Variants in MORF4L1 observed in about 807,000 individuals in gnomAD.
The protein encoded by MORF4L1 is mortality factor 4-like protein 1.
Under a neutral mutation model 52.9 loss-of-function variants are expected in MORF4L1, and 4 were observed. That is an observed-to-expected ratio of 0.08 (90% CI 0.04 to 0.17). The LOEUF (loss-of-function observed/expected upper bound fraction) is 0.17, where lower values mean the gene tolerates loss of function less well. Ranked by LOEUF, MORF4L1 falls within the 10% of genes least tolerant of loss-of-function variation. The pLI is 1.00. For synonymous variants in MORF4L1, 123 were observed against 134.8 expected (o/e 0.91, Z 0.61); for missense variants, 214 against 390.4 (o/e 0.55, Z 3.81).
intron 3 of MORF4L1, among the ~76,000 whole-genome samples, chr15:78,882,395 C>G: frequency 6.6e-6 from 1 of 152,100 alleles, no homozygotes; most frequent in East Asian, 1.9e-4. Context: ...ACCTCATGGA[C>G]TTGTATTTTA....
chr15:78,877,205 C>G (rs1480936462), intron 1 of MORF4L1, among the ~76,000 whole-genome samples: 2 of 151,220 alleles, frequency 1.3e-5, no homozygotes, highest in African/African-American at 4.9e-5. Flanking sequence ...ACTGCAACCT[C>G]CACCTCCCGG....
Position 78,878,099 on chromosome 15 carries a change from A to G in MORF4L1, c.41-114A>G, listed in dbSNP as rs981442602. ...AGTGGTGCTCTGTATACCCGTCCTC[A>G]TTTTTCCTAATTTGGCTAGGAATAC... On this transcript the variant is annotated intron_variant, in intron 1 of 11. Transcript: ENST00000426013. 5 of 1,064,610 alleles carry G rather than the reference A, an allele frequency of 4.7e-6. No homozygotes were observed. The East Asian group carries it at 1.0e-4, about 22-fold the overall frequency. The allele number at this position is 1,064,610 out of a possible 1,614,324, so 65.9% of individuals were successfully genotyped here. A position where few individuals can be genotyped will look rare whatever the true frequency, so the allele number is the denominator to read the frequency against.
chr15:78,875,613 C>CAA (rs2056470595), intron 1 of MORF4L1, among the ~76,000 whole-genome samples: 1 of 134,866 alleles, frequency 7.4e-6, no homozygotes, highest in Admixed American at 7.5e-5. Context: ...CTGGTGAAAC[C>CAA]CAGTCTCTAC....
intron 1 of MORF4L1, among the ~76,000 whole-genome samples, chr15:78,877,260 A>G (rs2056512603): frequency 6.6e-6 from 1 of 151,402 alleles, no homozygotes; most frequent in Non-Finnish European, 1.5e-5. Flanking sequence ...AGCTGGGATT[A>G]CAGGCACACA....
At chr15:78,890,428 A>G (rs985627952) in intron 5 of MORF4L1, among the ~76,000 whole-genome samples, 1 of 151,840 alleles carries the variant, frequency 6.6e-6, no homozygotes, top group South Asian at 2.1e-4. Flanking sequence ...ACTATAACAT[A>G]TATTAATATA....
intron 5 of MORF4L1, 175 bp from the exon 6 acceptor site, chr15:78,890,814 T>G: frequency 9.6e-6 from 5 of 519,184 alleles, no homozygotes; most frequent in Non-Finnish European, 1.4e-5. Flanking sequence ...TGGAGAGAGA[T>G]GGGAATTTAA....
At chr15:78,895,384 C>T (rs1380134506) in intron 11 of MORF4L1, among the ~76,000 whole-genome samples, 3 of 151,994 alleles carry the variant, frequency 2.0e-5, no homozygotes, top group African/African-American at 7.2e-5. Flanking sequence ...GCACAAAGGA[C>T]CATTAAAAAT....
At position 78,897,053 on chromosome 15, in the gene MORF4L1, C is replaced by T. The variant is rs1468294221; in HGVS notation, c.958C>T (p.Arg320Trp). ...TGAAGTGGCTCCTCCTGAGTACCAT[C>T]GGAAAGCTGTGTGAGAGGCACTCTC... ...DYEVAPPEYHRKAV is the reference protein window; with the variant it reads ...DYEVAPPEYHWKAV Residue 320 changes from arginine (R) to tryptophan (W), a missense_variant, in exon 12 of 12, where the codon CGG becomes TGG. Physicochemically the swap from Arg to Trp is moderately radical, Grantham distance 101 (BLOSUM62 -3). This residue lies in a region of MORF4L1 where 30 missense variants were observed against 34.6 expected (regional missense o/e 0.87). Transcript: ENST00000426013. The T allele has an allele frequency of 1.9e-6, 3 of 1,611,824 alleles. No individual in the cohort carries two copies. Among genetic ancestry groups the T allele is most frequent in the East Asian group, 2.2e-5 (1 of 44,830 alleles).
chr15:78,892,461 A>T (rs181629336), intron 8 of MORF4L1, 148 bp downstream of exon 8: 2 of 514,782 alleles, frequency 3.9e-6, no homozygotes, highest in African/African-American at 2.0e-5. Context: ...AACACTTTAG[A>T]ACTACTACCA....
chr15:78,897,525 T>A lies in MORF4L1; in HGVS notation c.*458T>A, dbSNP rs898572964. On this transcript the variant is annotated 3_prime_UTR_variant, in exon 12 of 12. Coordinates refer to ENST00000426013, the MANE Select transcript of MORF4L1 (RefSeq NM_006791.4). ...GGTGCTTAAAGTAAAGAGCCCATCC[T>A]TTGCAAGTCATCCATGTTGTTACTT... 6.5e-6 allele frequency: 1 copy of A among 153,914 alleles called. No individual in the cohort carries two copies. The highest frequency in any genetic ancestry group is 1.9e-4 in the East Asian group (1 of 5,224). The allele number at this position is 153,914 out of a possible 1,614,324, so 9.5% of individuals were successfully genotyped here.
rs1412121440 is a variant in MORF4L1, at chr15:78,894,196, G to A, written c.768G>A (p.Gln256=). 3 of 1,613,234 alleles carry A rather than the reference G, an allele frequency of 1.9e-6. No homozygotes were observed. Among genetic ancestry groups the A allele is most frequent in the Non-Finnish European group, 2.5e-6 (3 of 1,179,738 alleles). The change falls in exon 10 of 12, where the codon CAG becomes CAA. Residue 256 remains glutamine, a synonymous_variant. Coordinates refer to ENST00000426013, the MANE Select transcript of MORF4L1 (RefSeq NM_006791.4). The part of the protein sequence containing the change: ...LADHPDAPMS[Q]VYGAPHLLRL... The stretch of plus-strand genomic sequence containing the variant: ...ATCATCCCGATGCACCCATGTCCCA[G>A]GTGTATGGAGCGCCACATCTCCTGA...
intron 9 of MORF4L1, 53 bp downstream of exon 9, chr15:78,893,680 T>C (rs1033180251): frequency 8.0e-7 from 1 of 1,244,618 alleles, no homozygotes; most frequent in East Asian, 2.4e-5. Context: ...AAAAAGTTTC[T>C]AAATAAGTCA....
chr15:78,880,779 C>A (rs1250383824), intron 3 of MORF4L1, among the ~76,000 whole-genome samples, 200 bp downstream of exon 3: 2 of 151,200 alleles, frequency 1.3e-5, no homozygotes, highest in African/African-American at 4.9e-5. Flanking sequence ...ATACTTGGAT[C>A]TTGGGAATAT....
intron 11 of MORF4L1, among the ~76,000 whole-genome samples, chr15:78,895,490 A>T (rs1394184556): frequency 6.6e-6 from 1 of 152,234 alleles, no homozygotes; most frequent in African/African-American, 2.4e-5. Flanking sequence ...AGAAAAGGGC[A>T]ATCCTGGTTT....
At chr15:78,876,580 A>AAAAAT (rs1231373507) in intron 1 of MORF4L1, 1 of 455,848 alleles carries the variant, frequency 2.2e-6, no homozygotes, top group Admixed American at 2.4e-5. Context: ...CCAAGGGGAG[A>AAAAAT]AAAATGGTAG....
At chr15:78,894,408 AT>A (rs2056850175) in intron 10 of MORF4L1, 178 bp downstream of exon 10, 2 of 488,854 alleles carry the variant, frequency 4.1e-6, no homozygotes, top group African/African-American at 2.2e-5. Flanking sequence ...CGTGTATTTT[AT>A]TTTATAATTT....
intron 1 of MORF4L1, among the ~76,000 whole-genome samples, chr15:78,875,362 G>A (rs957657858): frequency 2.0e-5 from 3 of 152,210 alleles, no homozygotes; most frequent in African/African-American, 7.2e-5. Flanking sequence ...AGGAACCAAG[G>A]TATCCCCAGG....
intron 1 of MORF4L1, chr15:78,873,307 C>T (rs2056405423): frequency 1.6e-6 from 2 of 1,226,738 alleles, no homozygotes; most frequent in African/African-American, 1.6e-5. Flanking sequence ...GTGGCACACC[C>T]TCGTCAAGTG....
At chr15:78,894,992 CATT>C (rs1239446067) in intron 11 of MORF4L1, 88 bp downstream of exon 11, 21 of 1,060,402 alleles carry the variant, frequency 2.0e-5, no homozygotes, top group Middle Eastern at 2.0e-4. Context: ...AAACATTAAA[CATT>C]ATATTGGTAC....
Sources: allele counts gnomAD v4.1 joint callset (sites outside exome capture counted in the v4.1 genomes callset), GRCh38; gene constraint gnomAD v4.1.1; regional missense constraint gnomAD v4.1.1; transcripts MANE v1.5; gene names NCBI Gene and HGNC (gene_info 2026-07-23, HGNC 2026-07-21).